Variants in TICRR observed in about 807,000 individuals in gnomAD.
TICRR encodes the protein treslin.
In TICRR, 132 loss-of-function variants were observed where a neutral mutation model predicts 178.1. The ratio of observed to expected loss-of-function variants is 0.74; its 90% CI spans 0.64 to 0.86. The LOEUF (loss-of-function observed/expected upper bound fraction) is 0.86, where lower values mean the gene tolerates loss of function less well. Ranked by LOEUF, TICRR falls within the 40% of genes least tolerant of loss-of-function variation. The pLI, the probability that TICRR is intolerant of heterozygous loss-of-function variation, is 0.00. For missense variants in TICRR, 2,587 were observed against 2,334.3 expected (o/e 1.11, Z -2.23); for synonymous variants, 991 against 900.7 (o/e 1.10, Z -1.79).
At chr15:89,613,556 C>G (rs1207168383) in intron 15 of TICRR, among the ~76,000 whole-genome samples, 1 of 152,074 alleles carries the variant, frequency 6.6e-6, no homozygotes, top group Non-Finnish European at 1.5e-5. Flanking sequence ...GTGTGTTGTG[C>G]TTGATGGTGT....
intron 15 of TICRR, among the ~76,000 whole-genome samples, chr15:89,613,150 A>T (rs550638202): frequency 2.6e-5 from 4 of 152,208 alleles, no homozygotes; most frequent in Admixed American, 2.6e-4. Context: ...ATTTTGTTTC[A>T]TTCTGAGAAT....
At position 89,625,080 on chromosome 15, in the gene TICRR, C is replaced by T. The variant is rs1963494753; in HGVS notation, c.4770C>T (p.Ser1590=). 5 of 1,613,928 alleles carry T rather than the reference C, an allele frequency of 3.1e-6. No individual in the cohort carries two copies. Among genetic ancestry groups the T allele is most frequent in the East Asian group, 4.5e-5 (2 of 44,848 alleles). ...CTTCATTAGAGGCTGAGCCCCTCAG[C>T]AAGGAGGAGAGCTCTCTGGGAGAAG... ...PSSSLEAEPL[S]KEESSLGEES... The change falls in exon 20 of 22, where the codon AGC becomes AGT. Residue 1590 remains serine, a synonymous_variant. Transcript: ENST00000268138.
chr15:89,610,751 CTCAAT>C (rs1285093760), intron 15 of TICRR, among the ~76,000 whole-genome samples: 3 of 151,788 alleles, frequency 2.0e-5, no homozygotes, highest in African/African-American at 7.2e-5. Flanking sequence ...TTTTTTGTTT[CTCAAT>C]TCCTGTTTTT....
intron 15 of TICRR, 149 bp downstream of exon 15, chr15:89,609,098 A>ATATTTTT: frequency 6.0e-6 from 1 of 167,372 alleles, no homozygotes; most frequent in East Asian, 1.1e-4. Context: ...AATTTTGTTA[A>ATATTTTT]TCTTTTTTTT....
rs780743454 is a variant in TICRR at position 89,576,027 on chromosome 15, C to T, written c.441C>T (p.Leu147=). ...AGGCCAAGGAGGCCGAGGCCGCGCT[C>T]GGGGGCTTGGTGAACGCCGTCTTCC... The part of the protein sequence containing the change: ...ESEAKEAEAA[L]GGLVNAVFLL... Residue 147 remains leucine, a synonymous_variant, in exon 1 of 22, where the codon CTC becomes CTT. Transcript: ENST00000268138. 5 of 1,609,682 alleles carry T rather than the reference C, an allele frequency of 3.1e-6. No homozygotes were observed. Among genetic ancestry groups the T allele is most frequent in the Admixed American group, 3.3e-5 (2 of 59,710 alleles).
At chr15:89,615,016 C>T (rs11631271) in intron 15 of TICRR, among the ~76,000 whole-genome samples, 74,232 of 152,100 alleles carry the variant, frequency 0.49, 19,019 homozygotes, top group Non-Finnish European at 0.58. Flanking sequence ...CAGTGCTACA[C>T]GTGTGTGGAC....
chr15:89,586,812 AGG>A (rs1365984340), intron 4 of TICRR, among the ~76,000 whole-genome samples: 1 of 152,078 alleles, frequency 6.6e-6, no homozygotes, highest in Non-Finnish European at 1.5e-5. Context: ...AGAGAGTAGG[AGG>A]GGGTGAGGTC....
intron 17 of TICRR, among the ~76,000 whole-genome samples, chr15:89,619,218 C>CT (rs1444853735): frequency 1.1e-5 from 1 of 91,872 alleles, no homozygotes; most frequent in Non-Finnish European, 2.3e-5. Context: ...CTACACCATT[C>CT]TTCTTTTTTT....
intron 21 of TICRR, among the ~76,000 whole-genome samples, chr15:89,626,489 ATTCCCC>A (rs1169496319): frequency 2.6e-5 from 4 of 152,072 alleles, no homozygotes; most frequent in African/African-American, 9.7e-5. Context: ...AGGCTCTAGG[ATTCCCC>A]TTCCCCTTCC....
At position 89,625,059 on chromosome 15, in the gene TICRR, A is replaced by G. The variant is rs776565214; in HGVS notation, c.4749A>G (p.Ser1583=). 20 of 1,613,852 alleles carry G rather than the reference A, an allele frequency of 1.2e-5. No individual in the cohort carries two copies. Among genetic ancestry groups the G allele is most frequent in the Non-Finnish European group, 1.5e-5 (18 of 1,180,004 alleles). The change falls in exon 20 of 22, where the codon TCA becomes TCG. Residue 1583 remains serine, a synonymous_variant. Coordinates refer to ENST00000268138, the MANE Select transcript of TICRR (RefSeq NM_152259.4). ...LRIKKIDPSS[S]LEAEPLSKEE... is the part of the protein sequence containing the mutation. ...TTAAGAAGATAGACCCCAGCTCTTC[A>G]TTAGAGGCTGAGCCCCTCAGCAAGG...
In TICRR at chr15:89,584,363, G is replaced by C; in HGVS notation, c.1012G>C (p.Val338Leu). 6.2e-7 allele frequency: 1 copy of C among 1,614,176 alleles called. No homozygotes were observed. The highest frequency in any genetic ancestry group is 8.5e-7 in the Non-Finnish European group (1 of 1,180,028). ...AMHQRHFQKP[V>L]RIFLKGSVAQ... ...GCATCAGAGACATTTTCAGAAACCA[G>C]TCAGAATTTTTCTAAAAGGCTCAGT... The change falls in exon 3 of 22, where the codon GTC becomes CTC. Residue 338 changes from valine to leucine, a missense_variant. Coordinates refer to ENST00000268138, the MANE Select transcript of TICRR (RefSeq NM_152259.4).
Position 89,585,757 on chromosome 15 carries a change from T to C in TICRR, c.1226T>C (p.Ile409Thr), listed in dbSNP as rs1446540530. 6.2e-6 allele frequency: 10 copies of C among 1,614,024 alleles called. No individual in the cohort carries two copies. Among genetic ancestry groups the C allele is most frequent in the Admixed American group, 1.7e-5 (1 of 59,994 alleles). Residue 409 changes from isoleucine (I) to threonine (T), a missense_variant, in exon 4 of 22, where the codon ATT becomes ACT. Physicochemically the swap from Ile to Thr is moderately conservative, Grantham distance 89 (BLOSUM62 -1). Transcript: ENST00000268138. The stretch of plus-strand genomic sequence containing the variant: ...GGCCGGCCCCCCATCACTGGAGTTA[T>C]TTCCCCACTCTCTGCCAGTGCTATG... ...GEGRPPITGV[I>T]SPLSASAMIL...
rs923019325 is a variant in TICRR, at chr15:89,623,974, A to C, written c.3664A>C (p.Ser1222Arg). ...WPHSVNSSPESPSCPAPPTSS... is the reference protein window; with the variant it reads ...WPHSVNSSPERPSCPAPPTSS... ...ACATTCAGTGAATTCCAGTCCAGAA[A>C]GCCCCTCCTGTCCAGCCCCTCCAAC... Residue 1222 changes from serine (S) to arginine (R), a missense_variant, in exon 20 of 22, where the codon AGC becomes CGC. Ser to Arg is a moderately radical substitution (Grantham distance 110). Transcript: ENST00000268138. 6.2e-7 allele frequency: 1 copy of C among 1,613,994 alleles called. No individual in the cohort carries two copies. Among genetic ancestry groups the C allele is most frequent in the Middle Eastern group, 1.6e-4 (1 of 6,062 alleles).
intron 2 of TICRR, 51 bp from the exon 3 acceptor site, chr15:89,584,233 CTT>C: frequency 6.7e-7 from 1 of 1,490,606 alleles, no homozygotes; most frequent in Admixed American, 2.2e-5. Context: ...GAATTTTAAT[CTT>C]TTTTTAAAAT....
intron 19 of TICRR, 49 bp downstream of exon 19, chr15:89,621,599 G>A: frequency 6.6e-7 from 1 of 1,505,918 alleles, no homozygotes; most frequent in African/African-American, 1.4e-5. Flanking sequence ...CTGGAACACA[G>A]AGACATGGCC....
intron 13 of TICRR, among the ~76,000 whole-genome samples, chr15:89,603,983 A>G (rs143917064): frequency 3.3e-4 from 50 of 152,106 alleles, no homozygotes; most frequent in African/African-American, 1.2e-3. Context: ...ATGGGGTACT[A>G]TTGTTGTTTT....
At chr15:89,605,091 C>G (rs1165605233) in intron 13 of TICRR, among the ~76,000 whole-genome samples, 1 of 152,118 alleles carries the variant, frequency 6.6e-6, no homozygotes, top group Non-Finnish European at 1.5e-5. Context: ...GACATACTCT[C>G]CTAGTTTTTC....
At chr15:89,594,676 A>G (rs1305956790) in intron 6 of TICRR, 122 bp downstream of exon 6, 1 of 783,288 alleles carries the variant, frequency 1.3e-6, no homozygotes, top group Admixed American at 3.7e-5. Flanking sequence ...AAATTTTTAT[A>G]TTTAAATTTT....
intron 19 of TICRR, among the ~76,000 whole-genome samples, chr15:89,623,024 T>A (rs1963451972): frequency 6.6e-6 from 1 of 152,264 alleles, no homozygotes; most frequent in Admixed American, 6.5e-5. Flanking sequence ...GAAGGAAGGC[T>A]GTAGGAAAGA....
Sources: allele counts gnomAD v4.1 joint callset (sites outside exome capture counted in the v4.1 genomes callset), GRCh38; gene constraint gnomAD v4.1.1; transcripts MANE v1.5; gene names NCBI Gene and HGNC (gene_info 2026-07-23, HGNC 2026-07-21).